STPG2: variants seen among roughly 807,000 people sequenced by gnomAD.
The protein encoded by STPG2 is sperm-tail PG-rich repeat-containing protein 2.
Under a neutral mutation model 54.2 loss-of-function variants are expected in STPG2, and 56 were observed. The observed-to-expected ratio is 1.03, with a 90% CI of 0.83 to 1.29. The LOEUF (loss-of-function observed/expected upper bound fraction) is 1.29. STPG2 is among the 50% of genes most tolerant of loss of function. The pLI, the probability that STPG2 is intolerant of heterozygous loss-of-function variation, is 0.00. For synonymous variants in STPG2, 200 were observed against 181.8 expected (o/e 1.10, Z -0.81); for missense variants, 596 against 544.9 (o/e 1.09, Z -0.93).
At chr4:97,987,162 CA>C (rs902196493) in intron 5 of STPG2, among the ~76,000 whole-genome samples, 2 of 151,816 alleles carry the variant, frequency 1.3e-5, no homozygotes, top group Non-Finnish European at 1.5e-5. Context: ...TTAAGAGCAG[CA>C]AAAAAAATTT....
chr4:97,507,137 A>G (rs1482187160), intron 4 of STPG2, among the ~76,000 whole-genome samples: 1 of 151,992 alleles, frequency 6.6e-6, no homozygotes, highest in African/African-American at 2.4e-5. Flanking sequence ...GTAGTCAAAC[A>G]TAGTGAGATC....
At chr4:98,114,274 A>T (rs1739445215) in intron 3 of STPG2, among the ~76,000 whole-genome samples, 1 of 152,084 alleles carries the variant, frequency 6.6e-6, no homozygotes, top group Admixed American at 6.6e-5. Flanking sequence ...GTTAGAGTTT[A>T]TTTTTAACTC....
At chr4:97,685,521 A>C (rs1270035158) in intron 10 of STPG2, among the ~76,000 whole-genome samples, 1 of 152,180 alleles carries the variant, frequency 6.6e-6, no homozygotes, top group Non-Finnish European at 1.5e-5. Flanking sequence ...TAAAAAGATC[A>C]TGATTGCCAA....
intron 9 of STPG2, among the ~76,000 whole-genome samples, chr4:97,796,532 A>AG (rs1176361883): frequency 6.6e-6 from 1 of 152,094 alleles, no homozygotes; most frequent in African/African-American, 2.4e-5. Context: ...ATTATTTCTG[A>AG]GGGCTCTGTT....
intron 8 of STPG2, among the ~76,000 whole-genome samples, chr4:97,934,998 G>T (rs551861211): frequency 1.3e-5 from 2 of 152,068 alleles, no homozygotes; most frequent in Non-Finnish European, 2.9e-5. Flanking sequence ...GGCGTTTTTT[G>T]GTTGATAGGC....
intron 9 of STPG2, among the ~76,000 whole-genome samples, chr4:97,786,119 C>T (rs1726815280): frequency 6.6e-6 from 1 of 151,760 alleles, no homozygotes; most frequent in Non-Finnish European, 1.5e-5. Context: ...TAGAATATTT[C>T]TACCACCCCA....
intron 10 of STPG2, among the ~76,000 whole-genome samples, chr4:97,566,709 A>G (rs1361755407): frequency 6.6e-6 from 1 of 152,114 alleles, no homozygotes; most frequent in Non-Finnish European, 1.5e-5. Context: ...GCCATAAAAA[A>G]TGATGAGTTC....
intron 8 of STPG2, among the ~76,000 whole-genome samples, chr4:97,928,944 T>A (rs1460611149): frequency 6.6e-6 from 1 of 152,162 alleles, no homozygotes; most frequent in Non-Finnish European, 1.5e-5. Context: ...GGTAAACTTG[T>A]ACCACAGAGA....
At chr4:98,110,983 A>C (rs369184642) in intron 3 of STPG2, among the ~76,000 whole-genome samples, 6 of 152,158 alleles carry the variant, frequency 3.9e-5, no homozygotes, top group Admixed American at 2.0e-4. Flanking sequence ...TAAAAGAAGT[A>C]TATCAAATAG....
At chr4:97,925,158 C>T (rs1473584909) in intron 8 of STPG2, among the ~76,000 whole-genome samples, 1 of 152,174 alleles carries the variant, frequency 6.6e-6, no homozygotes, top group South Asian at 2.1e-4. Context: ...AAAGTTCTAA[C>T]CTAGAAGTTC....
rs558374713 is a variant in STPG2, at chr4:97,899,988, C to T, written c.1044+43909G>A. ...AACTATCAACAGAGTGAACAGACAA[C>T]CTACAGAATGGAAGGAAATTTTTGC... On this transcript the variant is annotated intron_variant, in intron 8 of 10. Transcript: ENST00000295268. Among the ~76,000 whole-genome samples, 31 of 150,432 alleles carry T rather than the reference C, an allele frequency of 2.1e-4. No homozygotes were observed. The East Asian group carries it at 2.3e-3, about 11-fold the overall frequency.
intron 4 of STPG2, among the ~76,000 whole-genome samples, chr4:97,535,580 A>G (rs1731510246): frequency 6.6e-6 from 1 of 151,962 alleles, no homozygotes; most frequent in African/African-American, 2.4e-5. Flanking sequence ...CATTTTCTCT[A>G]TTTTGTATTG....
intron 9 of STPG2, among the ~76,000 whole-genome samples, chr4:97,739,643 AC>A (rs1333050675): frequency 6.6e-6 from 1 of 152,108 alleles, no homozygotes; most frequent in East Asian, 1.9e-4. Flanking sequence ...CGACACATAC[AC>A]CCTCCCTAGA....
chr4:97,919,580 T>C (rs916169260), intron 8 of STPG2, among the ~76,000 whole-genome samples: 1 of 151,916 alleles, frequency 6.6e-6, no homozygotes, highest in Admixed American at 6.6e-5. Context: ...ATTTGAAAAA[T>C]GGATATATTT....
At chr4:97,626,312 C>T (rs769124516) in intron 10 of STPG2, among the ~76,000 whole-genome samples, 93 of 152,228 alleles carry the variant, frequency 6.1e-4, no homozygotes, top group Non-Finnish European at 9.3e-4. Context: ...TCAGACTTTA[C>T]ACTTTCTTTC....
chr4:97,938,789 C>G (rs1471337068), intron 8 of STPG2, among the ~76,000 whole-genome samples: 1 of 152,062 alleles, frequency 6.6e-6, no homozygotes, highest in Non-Finnish European at 1.5e-5. Flanking sequence ...TGCGAACCAC[C>G]TGGTCAGTCC....
intron 10 of STPG2, among the ~76,000 whole-genome samples, chr4:97,692,629 A>G (rs1193844596): frequency 6.6e-6 from 1 of 152,234 alleles, no homozygotes; most frequent in Admixed American, 6.5e-5. Context: ...ATTTGAGGGA[A>G]TAATCAAGGA....
At chr4:97,824,147 G>A (rs1412216448) in intron 9 of STPG2, among the ~76,000 whole-genome samples, 1 of 152,176 alleles carries the variant, frequency 6.6e-6, no homozygotes, top group African/African-American at 2.4e-5. Flanking sequence ...AGTTGACGGG[G>A]CTGCTGGGAA....
At chr4:98,039,489 AATAC>A (rs1736878666) in intron 5 of STPG2, among the ~76,000 whole-genome samples, 1 of 107,290 alleles carries the variant, frequency 9.3e-6, no homozygotes, top group South Asian at 3.2e-4. Flanking sequence ...ATATACAAGA[AATAC>A]ATATATATAT....
Sources: allele counts gnomAD v4.1 joint callset (sites outside exome capture counted in the v4.1 genomes callset), GRCh38; gene constraint gnomAD v4.1.1; transcripts MANE v1.5; gene names NCBI Gene and HGNC (gene_info 2026-07-23, HGNC 2026-07-21).